The following ADAMTS20 variants were observed in gnomAD, a reference collection of about 807,000 sequenced individuals.
ADAMTS20 encodes A disintegrin and metalloproteinase with thrombospondin motifs 20.
ADAMTS20 carries 225 observed loss-of-function variants against 260.1 expected under a neutral mutation model. That is an observed-to-expected ratio of 0.87 (90% CI 0.78 to 0.97). The LOEUF is 0.97. Ranked by LOEUF, ADAMTS20 falls within the 50% of genes least tolerant of loss-of-function variation. The pLI, the probability that ADAMTS20 is intolerant of heterozygous loss-of-function variation, is 0.00. For missense variants in ADAMTS20, 2,400 were observed against 2,337.7 expected (o/e 1.03, Z -0.55); for synonymous variants, 802 against 769.5 (o/e 1.04, Z -0.70).
At chr12:43,453,553 C>T (rs149316687) in intron 12 of ADAMTS20, among the ~76,000 whole-genome samples, 13 of 151,690 alleles carry the variant, frequency 8.6e-5, no homozygotes, top group Middle Eastern at 6.8e-3. Flanking sequence ...CCAGAAGATC[C>T]GAAACATAAG....
chr12:43,475,779 C>T (rs944856621), intron 7 of ADAMTS20, among the ~76,000 whole-genome samples: 1 of 150,704 alleles, frequency 6.6e-6, no homozygotes, highest in East Asian at 2.0e-4. Context: ...GCTGGGAAAA[C>T]TTGCTAGCCA....
chr12:43,371,947 T>C (rs573699761), intron 36 of ADAMTS20, among the ~76,000 whole-genome samples: 6 of 152,180 alleles, frequency 3.9e-5, no homozygotes, highest in Non-Finnish European at 8.8e-5. Flanking sequence ...CTAGACTAAG[T>C]AGAATATTAT....
chr12:43,451,147 G>A (rs1370008156), intron 14 of ADAMTS20, among the ~76,000 whole-genome samples: 3 of 152,080 alleles, frequency 2.0e-5, no homozygotes, highest in Non-Finnish European at 4.4e-5. Context: ...TGAACCTGGA[G>A]GACACTGGGT....
chr12:43,468,682 A>G lies in ADAMTS20; in HGVS notation c.1141T>C (p.Cys381Arg). 1 of 1,602,670 alleles carries G rather than the reference A, an allele frequency of 6.2e-7. No homozygotes were observed. The highest frequency in any genetic ancestry group is 1.3e-5 in the African/African-American group (1 of 74,624). The change falls in exon 8 of 39, where the codon TGT becomes CGT. Residue 381 changes from cysteine (C) to arginine (R), a missense_variant. Physicochemically the swap from Cys to Arg is radical, Grantham distance 180 (BLOSUM62 -3). Transcript: ENST00000389420. ...ATAAAGCAGCTTTGTAAAGGATCAC[A>G]TATGGTACCTAAATATGATAAACCT... ...MLGLSYLGTICDPLQSCFINE... is the reference protein window; with the variant it reads ...MLGLSYLGTIRDPLQSCFINE...
chr12:43,395,142 A>G (rs1940673320), intron 29 of ADAMTS20, among the ~76,000 whole-genome samples: 1 of 152,146 alleles, frequency 6.6e-6, no homozygotes, highest in African/African-American at 2.4e-5. Flanking sequence ...ATAGAATTTC[A>G]CTATCTAGAA....
rs770374738 is a variant in ADAMTS20 at position 43,464,624 on chromosome 12, C to T, written c.1476G>A (p.Ala492=). Residue 492 remains alanine (A), a synonymous_variant, in exon 10 of 39, where the codon GCG becomes GCA. Transcript: ENST00000389420. ...GACACATTTGTGACCCAGGACCAAACGCAAGCTCACACTGCTTGTTTCCAT... is the reference window on the plus strand; with the variant it reads ...GACACATTTGTGACCCAGGACCAAATGCAAGCTCACACTGCTTGTTTCCAT... ...RYDGNKQCEL[A]FGPGSQMCPH... is the part of the protein sequence containing the mutation. 1.5e-5 allele frequency: 24 copies of T among 1,613,158 alleles called. No individual in the cohort carries two copies. The highest frequency in any genetic ancestry group is 5.3e-5 in the African/African-American group (4 of 74,882).
At chr12:43,514,086 T>TAAAAAAAAAAAAAAAAAAAAAAA (rs71091163) in intron 3 of ADAMTS20, among the ~76,000 whole-genome samples, 1 of 100,572 alleles carries the variant, frequency 9.9e-6, no homozygotes, top group Non-Finnish European at 2.0e-5. Flanking sequence ...GAATAAACTC[T>TAAAAAAAAAAAAAAAAAAAAAAA]AAAAAAAAAA....
At chr12:43,526,809 T>C (rs1943149689) in intron 3 of ADAMTS20, among the ~76,000 whole-genome samples, 1 of 151,754 alleles carries the variant, frequency 6.6e-6, no homozygotes, top group Admixed American at 6.6e-5. Flanking sequence ...AATCCAAAGC[T>C]AGTAGAAGAA....
intron 37 of ADAMTS20, among the ~76,000 whole-genome samples, chr12:43,363,464 G>A (rs533954699): frequency 1.3e-5 from 2 of 152,190 alleles, no homozygotes; most frequent in South Asian, 4.2e-4. Context: ...ATGCTGACAA[G>A]GTCAAAAGCC....
At chr12:43,469,612 TC>T (rs1449482709) in intron 7 of ADAMTS20, among the ~76,000 whole-genome samples, 1 of 150,238 alleles carries the variant, frequency 6.7e-6, no homozygotes, top group East Asian at 1.9e-4. Flanking sequence ...CTAGAACTCT[TC>T]CTTTCACAAA....
chr12:43,473,998 T>A (rs1942307697), intron 7 of ADAMTS20, among the ~76,000 whole-genome samples: 1 of 146,636 alleles, frequency 6.8e-6, no homozygotes, highest in African/African-American at 2.5e-5. Flanking sequence ...AGAGCAGAAC[T>A]GAAGGAAATA....
At chr12:43,470,165 T>A (rs765765931) in intron 7 of ADAMTS20, among the ~76,000 whole-genome samples, 10 of 152,318 alleles carry the variant, frequency 6.6e-5, no homozygotes, top group Non-Finnish European at 1.3e-4. Flanking sequence ...TGGATCATCA[T>A]CTTATTATAT....
intron 29 of ADAMTS20, among the ~76,000 whole-genome samples, chr12:43,387,519 T>C (rs1940505710): frequency 6.6e-6 from 1 of 152,210 alleles, no homozygotes; most frequent in Non-Finnish European, 1.5e-5. Flanking sequence ...TCAAATGCTG[T>C]GCTGGGAGAT....
chr12:43,451,993 T>C (rs1294893277), intron 14 of ADAMTS20, among the ~76,000 whole-genome samples: 1 of 152,148 alleles, frequency 6.6e-6, no homozygotes, highest in African/African-American at 2.4e-5. Flanking sequence ...TCTATCTTTT[T>C]AGGAAGCTGA....
At chr12:43,464,785 G>T in intron 9 of ADAMTS20, 53 bp from the exon 10 acceptor site, 3 of 1,522,158 alleles carry the variant, frequency 2.0e-6, no homozygotes, top group South Asian at 1.2e-5. Context: ...ATGCATTCCA[G>T]TATGATTCTT....
chr12:43,383,617 A>G lies in ADAMTS20; in HGVS notation c.4738T>C (p.Ser1580Pro). 1.5e-5 allele frequency: 24 copies of G among 1,613,778 alleles called. No individual in the cohort carries two copies. Among genetic ancestry groups the G allele is most frequent in the Non-Finnish European group, 2.0e-5 (24 of 1,179,816 alleles). Residue 1580 changes from serine to proline, a missense_variant, in exon 31 of 39, where the codon TCC (serine) becomes CCC (proline). Physicochemically the swap from Ser to Pro is moderately conservative, Grantham distance 74. Transcript: ENST00000389420. ...VYNSSTISLTSKNCRNPPCNY... is the reference protein window; with the variant it reads ...VYNSSTISLTPKNCRNPPCNY... ...CAAGGAGGGTTCCTGCAATTCTTGG[A>G]TGTAAGAGATATGGTTGAAGAATTA...
chr12:43,550,873 T>C, intron 2 of ADAMTS20, 36 bp downstream of exon 2: 3 of 1,494,142 alleles, frequency 2.0e-6, no homozygotes, highest in Non-Finnish European at 2.7e-6. Flanking sequence ...CTTGCCTGGA[T>C]CCCAAGAAAA....
At chr12:43,409,624 A>AAAAAAAAAAAAAAAAAAAAAAAAAT (rs1565684968) in intron 28 of ADAMTS20, among the ~76,000 whole-genome samples, 1 of 140,502 alleles carries the variant, frequency 7.1e-6, no homozygotes, top group African/African-American at 2.6e-5. Context: ...AAAAAAAAAA[A>AAAAAAAAAAAAAAAAAAAAAAAAAT]AAAAAACAAG....
At chr12:43,544,079 T>C (rs888607244) in intron 2 of ADAMTS20, among the ~76,000 whole-genome samples, 1 of 152,196 alleles carries the variant, frequency 6.6e-6, no homozygotes, top group East Asian at 1.9e-4. Flanking sequence ...TGCATATTAG[T>C]AAGAGTTGGA....
Sources: gnomAD v4.1 joint callset for allele counts (sites outside exome capture counted in the v4.1 genomes callset) on GRCh38, gnomAD v4.1.1 for gene constraint, MANE v1.5 for transcripts, NCBI Gene and HGNC (gene_info 2026-07-23, HGNC 2026-07-21) for gene names.